MDGA2: variants seen among roughly 807,000 people sequenced by gnomAD.
MDGA2 encodes the protein MAM domain containing glycosylphosphatidylinositol anchor 2.
A neutral mutation model predicts 117.8 loss-of-function variants in MDGA2; 40 were observed. That is an observed-to-expected ratio of 0.34 (90% CI 0.26 to 0.44). MDGA2 has a LOEUF of 0.44. Ranked by LOEUF, MDGA2 falls within the 20% of genes least tolerant of loss-of-function variation. The probability of loss-of-function intolerance (pLI) is 1.00; values close to 1 mark genes in which losing one functional copy is unlikely to be tolerated. For missense variants in MDGA2, 1,123 were observed against 1,250.6 expected (o/e 0.90, Z 1.54); for synonymous variants, 452 against 439.0 (o/e 1.03, Z -0.37).
intron 1 of MDGA2, among the ~76,000 whole-genome samples, chr14:47,641,300 A>G (rs1194031877): frequency 2.0e-5 from 3 of 150,164 alleles, no homozygotes; most frequent in Non-Finnish European, 4.4e-5. Context: ...AGTATATGCA[A>G]GTCTGATTCC....
intron 2 of MDGA2, among the ~76,000 whole-genome samples, chr14:47,289,035 G>T (rs2139766308): frequency 6.6e-6 from 1 of 152,166 alleles, no homozygotes. Flanking sequence ...CATAGAAGCA[G>T]ATAGGCAGTA....
At chr14:47,400,914 C>G (rs1018731473) in intron 1 of MDGA2, among the ~76,000 whole-genome samples, 19 of 147,896 alleles carry the variant, frequency 1.3e-4, no homozygotes, top group Non-Finnish European at 2.4e-4. Flanking sequence ...CCCACCACCA[C>G]GCCCGGCTAA....
At chr14:47,513,480 C>G (rs1894685493) in intron 1 of MDGA2, among the ~76,000 whole-genome samples, 1 of 152,012 alleles carries the variant, frequency 6.6e-6, no homozygotes, top group Non-Finnish European at 1.5e-5. Flanking sequence ...CCCACTCATT[C>G]ATCTGGAAGA....
chr14:46,858,428 C>CTTTTT (rs71112466), intron 14 of MDGA2, among the ~76,000 whole-genome samples: 4 of 123,802 alleles, frequency 3.2e-5, no homozygotes, highest in Non-Finnish European at 4.9e-5. Context: ...TTCTTTTTTT[C>CTTTTT]TTTTTTTTTT....
In MDGA2 at chr14:47,512,554, T is replaced by C. The variant is rs540877814; in HGVS notation, c.280+161963A>G. On this transcript the variant is annotated intron_variant, in intron 1 of 16. Coordinates refer to ENST00000399232, the MANE Select transcript of MDGA2 (RefSeq NM_001113498.3). ...AAGATTTGAATGACTTATTAAGAGA[T>C]GCTTTGTTCTATCGACATCATAAAT... Among the ~76,000 whole-genome samples the C allele has an allele frequency of 2.7e-3, 416 of 152,298 alleles. 2 individuals are homozygous for C. The highest frequency in any genetic ancestry group is 9.7e-3 in the African/African-American group (405 of 41,582).
chr14:47,660,927 A>C (rs1180049837), intron 1 of MDGA2, among the ~76,000 whole-genome samples: 5 of 152,190 alleles, frequency 3.3e-5, no homozygotes, highest in African/African-American at 9.7e-5. Flanking sequence ...TGGGCATTTC[A>C]ATACTGAAAA....
chr14:47,614,418 C>A (rs913481496), intron 1 of MDGA2, among the ~76,000 whole-genome samples: 1 of 152,072 alleles, frequency 6.6e-6, no homozygotes, highest in Non-Finnish European at 1.5e-5. Context: ...TCAATGATTT[C>A]TCTCAGATGC....
intron 1 of MDGA2, among the ~76,000 whole-genome samples, chr14:47,617,497 C>T (rs1409518971): frequency 6.6e-6 from 1 of 152,184 alleles, no homozygotes; most frequent in Non-Finnish European, 1.5e-5. Context: ...AATCACCGCA[C>T]CCGGCCTATT....
chr14:47,628,326 C>T (rs1345204765), intron 1 of MDGA2, among the ~76,000 whole-genome samples: 7 of 152,172 alleles, frequency 4.6e-5, no homozygotes, highest in Admixed American at 3.3e-4. Context: ...TTCATATCTG[C>T]CTCTACATCC....
chr14:47,190,250 G>A (rs1177117192), intron 3 of MDGA2, among the ~76,000 whole-genome samples: 1 of 152,172 alleles, frequency 6.6e-6, no homozygotes. Context: ...ACGCTGCTGT[G>A]GTAAAATAGC....
intron 2 of MDGA2, among the ~76,000 whole-genome samples, chr14:47,287,886 G>A (rs1888743859): frequency 6.6e-6 from 1 of 152,124 alleles, no homozygotes; most frequent in Non-Finnish European, 1.5e-5. Flanking sequence ...AGACAAGCAT[G>A]TGATAACAGA....
chr14:47,376,482 CAT>C (rs1267889110), intron 1 of MDGA2, among the ~76,000 whole-genome samples: 1 of 152,100 alleles, frequency 6.6e-6, no homozygotes, highest in Non-Finnish European at 1.5e-5. Flanking sequence ...ACAAAAACAA[CAT>C]AAATTTCTAC....
At chr14:47,132,780 A>C (rs1253866494) in intron 4 of MDGA2, among the ~76,000 whole-genome samples, 2 of 151,968 alleles carry the variant, frequency 1.3e-5, no homozygotes, top group Admixed American at 6.6e-5. Context: ...TAGGGATACT[A>C]TAAAAATTCA....
At chr14:47,048,109 C>T (rs916305278) in intron 7 of MDGA2, among the ~76,000 whole-genome samples, 3 of 151,858 alleles carry the variant, frequency 2.0e-5, no homozygotes, top group Admixed American at 6.6e-5. Context: ...TATGAAATAA[C>T]GAGTTTTGGA....
At chr14:46,858,231 A>G (rs531889147) in intron 14 of MDGA2, among the ~76,000 whole-genome samples, 2 of 150,638 alleles carry the variant, frequency 1.3e-5, no homozygotes, top group South Asian at 4.2e-4. Context: ...AAGCCCACCC[A>G]GTAAATTTTT....
intron 15 of MDGA2, among the ~76,000 whole-genome samples, chr14:46,850,322 A>C (rs1189489325): frequency 6.6e-6 from 1 of 151,890 alleles, no homozygotes; most frequent in Non-Finnish European, 1.5e-5. Context: ...ATTTCTCAGC[A>C]AGAAAAGAAG....
chr14:47,002,754 C>T (rs115075784), intron 8 of MDGA2, among the ~76,000 whole-genome samples: 1 of 151,826 alleles, frequency 6.6e-6, no homozygotes, highest in Non-Finnish European at 1.5e-5. Flanking sequence ...TTTATTTATA[C>T]TTGAATTTAA....
chr14:46,881,474 A>G (rs2138389048), intron 11 of MDGA2, among the ~76,000 whole-genome samples: 1 of 152,292 alleles, frequency 6.6e-6, no homozygotes, highest in Middle Eastern at 3.4e-3. Flanking sequence ...ACTGCACAAC[A>G]CAAATAACTG....
intron 1 of MDGA2, among the ~76,000 whole-genome samples, chr14:47,638,719 G>A (rs1425259585): frequency 1.3e-5 from 2 of 152,064 alleles, no homozygotes; most frequent in East Asian, 3.9e-4. Context: ...ACTATGGCAA[G>A]TGCCTTCTAA....
Sources: gnomAD v4.1 joint callset for allele counts (sites outside exome capture counted in the v4.1 genomes callset) on GRCh38, gnomAD v4.1.1 for gene constraint, MANE v1.5 for transcripts, NCBI Gene and HGNC (gene_info 2026-07-23, HGNC 2026-07-21) for gene names.